Variants in GLIS3 observed in about 807,000 individuals in gnomAD.
The protein encoded by GLIS3 is GLIS family zinc finger 3, also known as zinc finger protein GLIS3.
GLIS3 carries 53 observed loss-of-function variants against 78.6 expected under a neutral mutation model. The ratio of observed to expected loss-of-function variants is 0.67; its 90% CI spans 0.54 to 0.85. The LOEUF is 0.85. Among genes scored for constraint, GLIS3 ranks in the 40% least tolerant of loss-of-function variants. GLIS3 has a pLI of 0.00. For missense variants in GLIS3, 1,703 were observed against 1,231.1 expected (o/e 1.38, Z -5.74); for synonymous variants, 684 against 509.9 (o/e 1.34, Z -4.60).
chr9:4,004,631 C>A (rs578213577), intron 4 of GLIS3, among the ~76,000 whole-genome samples: 23 of 152,272 alleles, frequency 1.5e-4, no homozygotes, highest in Middle Eastern at 3.4e-3. Context: ...TATCCAGGGC[C>A]AGGCCACTGA....
At chr9:4,016,743 G>A (rs950961590) in intron 4 of GLIS3, among the ~76,000 whole-genome samples, 4 of 152,210 alleles carry the variant, frequency 2.6e-5, no homozygotes, top group Non-Finnish European at 2.9e-5. Context: ...AGCATTAAAT[G>A]AGACATCTAA....
At chr9:3,940,703 CAAGG>C (rs977070399) in intron 4 of GLIS3, among the ~76,000 whole-genome samples, 4 of 152,158 alleles carry the variant, frequency 2.6e-5, no homozygotes, top group African/African-American at 9.7e-5. Context: ...GAATAGAACA[CAAGG>C]GAGACAAACG....
intron 4 of GLIS3, chr9:4,305,652 T>C (rs1353982266): frequency 1.3e-5 from 2 of 152,222 alleles, no homozygotes; most frequent in Non-Finnish European, 2.9e-5. Context: ...CAGTTTGGGC[T>C]AAATGAGATG....
chr9:4,115,027 C>T (rs1046888938), intron 4 of GLIS3, among the ~76,000 whole-genome samples: 7 of 152,310 alleles, frequency 4.6e-5, no homozygotes, highest in African/African-American at 1.7e-4. Flanking sequence ...TGAAATTTGG[C>T]ATGAGGGAGG....
chr9:3,831,928 G>A (rs1215932934), intron 9 of GLIS3, among the ~76,000 whole-genome samples: 2 of 151,884 alleles, frequency 1.3e-5, no homozygotes, highest in African/African-American at 2.4e-5. Context: ...AAGATGGCAA[G>A]TTACCATATC....
chr9:4,328,048 C>A (rs1425457317), intron 2 of GLIS3, among the ~76,000 whole-genome samples: 1 of 152,226 alleles, frequency 6.6e-6, no homozygotes, highest in Non-Finnish European at 1.5e-5. Flanking sequence ...CTCTCCCACT[C>A]CTCACTGTTA....
At chr9:4,465,679 C>G in the GLIS3 span, among the ~76,000 whole-genome samples, 1 of 152,142 alleles carries the variant, frequency 6.6e-6, no homozygotes, top group Admixed American at 6.5e-5. Context: ...TATTGCATGC[C>G]TGTATCAAAA....
intron 2 of GLIS3, among the ~76,000 whole-genome samples, chr9:4,198,589 G>C (rs1217847727): frequency 6.6e-6 from 1 of 152,130 alleles, no homozygotes; most frequent in East Asian, 1.9e-4. Context: ...ACAAATTACT[G>C]GCATTCCTGA....
intron 2 of GLIS3, among the ~76,000 whole-genome samples, chr9:4,165,996 A>G (rs1445130975): frequency 6.6e-6 from 1 of 152,194 alleles, no homozygotes; most frequent in African/African-American, 2.4e-5. Context: ...AGAGCACAAT[A>G]TTTAACAGGA....
intron 2 of GLIS3, among the ~76,000 whole-genome samples, chr9:4,189,474 A>G (rs1818125582): frequency 6.6e-6 from 1 of 152,100 alleles, no homozygotes; most frequent in African/African-American, 2.4e-5. Context: ...TATTCTGTTG[A>G]TTTGTGGTGC....
At chr9:4,157,938 T>A (rs1402345118) in intron 2 of GLIS3, among the ~76,000 whole-genome samples, 1 of 152,210 alleles carries the variant, frequency 6.6e-6, no homozygotes, top group African/African-American at 2.4e-5. Flanking sequence ...TCAGTAAAAA[T>A]ATGATTGTCT....
At chr9:4,051,877 T>C (rs910498819) in intron 4 of GLIS3, among the ~76,000 whole-genome samples, 2 of 152,228 alleles carry the variant, frequency 1.3e-5, no homozygotes, top group Admixed American at 1.3e-4. Context: ...TTTTAGGTGC[T>C]GGAACAGTGG....
At chr9:4,246,587 T>C (rs778170496) in intron 2 of GLIS3, among the ~76,000 whole-genome samples, 1 of 152,202 alleles carries the variant, frequency 6.6e-6, no homozygotes, top group East Asian at 1.9e-4. Context: ...AGCCCATTAC[T>C]GCAGCAAAGC....
intron 7 of GLIS3, among the ~76,000 whole-genome samples, chr9:3,882,061 C>T (rs1821766178): frequency 6.6e-6 from 1 of 152,184 alleles, no homozygotes. Context: ...TTTTATTCTT[C>T]TCTTAGCGGG....
In GLIS3 at chr9:4,007,404, C is replaced by G. The variant is rs188653222; in HGVS notation, c.1711-70215G>C. Among the ~76,000 whole-genome samples the G allele has an allele frequency of 4.6e-4, 70 of 152,282 alleles. 1 individual carries two copies. The highest frequency in any genetic ancestry group is 1.6e-3 in the African/African-American group (66 of 41,560). The stretch of plus-strand genomic sequence containing the variant: ...CCTCTCCCTCTTCCTGGTTCAAGGT[C>G]CCCTTCCTTACCCTGGTACCAGATA... On this transcript the variant is annotated intron_variant, in intron 4 of 10. Transcript: ENST00000381971.
chr9:3,829,287 T>A, intron 10 of GLIS3, 23 bp downstream of exon 10: 1 of 1,611,558 alleles, frequency 6.2e-7, no homozygotes, highest in South Asian at 1.1e-5. Context: ...CAGGATTTTC[T>A]AAGTCACAGA....
At chr9:4,244,325 T>C (rs1823596593) in intron 2 of GLIS3, among the ~76,000 whole-genome samples, 1 of 152,358 alleles carries the variant, frequency 6.6e-6, no homozygotes, top group Non-Finnish European at 1.5e-5. Context: ...CTCCTAACAA[T>C]TGACTTGGAT....
At chr9:4,222,343 C>G (rs1420293720) in intron 2 of GLIS3, among the ~76,000 whole-genome samples, 1 of 152,226 alleles carries the variant, frequency 6.6e-6, no homozygotes, top group Non-Finnish European at 1.5e-5. Context: ...AACAAATTCT[C>G]TCTGCATCAG....
At chr9:4,394,839 G>A in the GLIS3 span, among the ~76,000 whole-genome samples, 1 of 152,084 alleles carries the variant, frequency 6.6e-6, no homozygotes, top group African/African-American at 2.4e-5. Context: ...ACAAAACACT[G>A]CCAAATATAG....
Sources: gnomAD v4.1 joint callset for allele counts (sites outside exome capture counted in the v4.1 genomes callset) on GRCh38, gnomAD v4.1.1 for gene constraint, MANE v1.5 for transcripts, NCBI Gene and HGNC (gene_info 2026-07-23, HGNC 2026-07-21) for gene names.